ITPR1: variants seen among roughly 807,000 people sequenced by gnomAD.
ITPR1 encodes the protein inositol 1,4,5-trisphosphate-gated calcium channel ITPR1.
In ITPR1, 96 loss-of-function variants were observed where a neutral mutation model predicts 318.4. That is an observed-to-expected ratio of 0.30 (90% CI 0.26 to 0.36). The LOEUF (loss-of-function observed/expected upper bound fraction) is 0.36. ITPR1 is among the 10% of genes least tolerant of loss of function. The probability of loss-of-function intolerance (pLI) is 1.00; values close to 1 mark genes in which losing one functional copy is unlikely to be tolerated. For synonymous variants in ITPR1, 1,312 were observed against 1,289.9 expected (o/e 1.02, Z -0.37); for missense variants, 2,440 against 3,460.2 (o/e 0.71, Z 7.40).
chr3:4,651,784 T>G (rs2093604440), intron 10 of ITPR1, among the ~76,000 whole-genome samples: 1 of 152,212 alleles, frequency 6.6e-6, no homozygotes, highest in South Asian at 2.1e-4. Context: ...GCTTTGACAG[T>G]TCTCCACGAA....
rs968125904 is a variant in ITPR1, at chr3:4,826,955, G to T, written c.8028+8713G>T. ...GAGTCTAGTCTGTGAGACTGTGCAGGACATGAGGGTTATGCACAGACATTG... is the reference window on the plus strand; with the variant it reads ...GAGTCTAGTCTGTGAGACTGTGCAGTACATGAGGGTTATGCACAGACATTG... On this transcript the variant is annotated intron_variant, in intron 60 of 61. Transcript: ENST00000649015. The surrounding 1 kb of genome is among the most constrained non-coding windows in gnomAD (Gnocchi z 4.2). Among the ~76,000 whole-genome samples the T allele has an allele frequency of 6.6e-6, 1 of 152,156 alleles. No homozygotes were observed. Among genetic ancestry groups the T allele is most frequent in the Non-Finnish European group, 1.5e-5 (1 of 68,026 alleles).
chr3:4,603,628 C>T (rs981731966), intron 4 of ITPR1, among the ~76,000 whole-genome samples: 16 of 152,128 alleles, frequency 1.1e-4, no homozygotes, highest in African/African-American at 2.9e-4. Context: ...CAGGGTTTCA[C>T]CCTGTTGGAC....
chr3:4,540,291 A>T (rs1368127195), intron 4 of ITPR1, among the ~76,000 whole-genome samples: 1 of 152,116 alleles, frequency 6.6e-6, no homozygotes, highest in Non-Finnish European at 1.5e-5. Context: ...GTTTTGTCTG[A>T]TATTAATATA....
chr3:4,626,373 C>G (rs938976323), intron 4 of ITPR1, among the ~76,000 whole-genome samples: 2 of 152,054 alleles, frequency 1.3e-5, no homozygotes, highest in African/African-American at 4.8e-5. Flanking sequence ...CACATAGATG[C>G]TTTAGGGTAA....
At chr3:4,503,765 G>C (rs539630763) in intron 2 of ITPR1, among the ~76,000 whole-genome samples, 1 of 152,258 alleles carries the variant, frequency 6.6e-6, no homozygotes, top group East Asian at 1.9e-4. Flanking sequence ...CTGTCCTTGA[G>C]TGAATTTTTC....
At chr3:4,567,413 C>T (rs1306778182) in intron 4 of ITPR1, among the ~76,000 whole-genome samples, 1 of 152,064 alleles carries the variant, frequency 6.6e-6, no homozygotes, top group Non-Finnish European at 1.5e-5. Context: ...TTTTTTCTTG[C>T]AACTTTAAAT....
chr3:4,645,741 T>C lies in ITPR1; in HGVS notation c.855+13T>C. 1 of 1,610,428 alleles carries C rather than the reference T, an allele frequency of 6.2e-7. No individual in the cohort carries two copies. On this transcript the variant is annotated intron_variant, in intron 10 of 61. Transcript: ENST00000649015. ...GTGGGAGGTGGAGGTAAGGGTAGGG[T>C]GGAGAAAGGGCTCCTGGGTTTAGAG...
At chr3:4,630,488 A>G (rs1002201174) in intron 5 of ITPR1, among the ~76,000 whole-genome samples, 8 of 151,672 alleles carry the variant, frequency 5.3e-5, no homozygotes, top group Middle Eastern at 3.2e-3. Flanking sequence ...AAATGCCCAT[A>G]ATCTATTCCT....
intron 53 of ITPR1, among the ~76,000 whole-genome samples, chr3:4,799,222 A>G (rs2048071196): frequency 6.6e-6 from 1 of 152,226 alleles, no homozygotes; most frequent in African/African-American, 2.4e-5. Flanking sequence ...GGATGAATAA[A>G]TGATCATCAA....
chr3:4,747,530 G>A (rs141725708), intron 44 of ITPR1, among the ~76,000 whole-genome samples: 1 of 152,344 alleles, frequency 6.6e-6, no homozygotes, highest in African/African-American at 2.4e-5. Flanking sequence ...TTCTTTGGTA[G>A]TGGAGTCTTT....
chr3:4,504,306 G>C (rs767942021), intron 2 of ITPR1, among the ~76,000 whole-genome samples: 7 of 152,116 alleles, frequency 4.6e-5, no homozygotes, highest in Non-Finnish European at 1.0e-4. Flanking sequence ...GTGTTGCGGC[G>C]GGGGGAATGG....
intron 24 of ITPR1, 35 bp downstream of exon 24, chr3:4,676,836 T>C: frequency 6.5e-7 from 1 of 1,540,640 alleles, no homozygotes; most frequent in Non-Finnish European, 8.9e-7. Context: ...AGGGAGGGTA[T>C]GTCACAGAGG....
chr3:4,583,135 A>C (rs1194107619), intron 4 of ITPR1, among the ~76,000 whole-genome samples: 11 of 152,236 alleles, frequency 7.2e-5, no homozygotes, highest in Admixed American at 5.9e-4. Flanking sequence ...CTGCTACAAC[A>C]GGAAATTGGA....
At chr3:4,550,811 A>G (rs2085489459) in intron 4 of ITPR1, among the ~76,000 whole-genome samples, 1 of 152,090 alleles carries the variant, frequency 6.6e-6, no homozygotes, top group Non-Finnish European at 1.5e-5. Flanking sequence ...GCCCAAGCCC[A>G]GGAAGTAGAG....
At chr3:4,750,036 C>A (rs1223795856) in intron 44 of ITPR1, 1 of 152,676 alleles carries the variant, frequency 6.5e-6, no homozygotes, top group Non-Finnish European at 1.5e-5. Flanking sequence ...AAGACAACTG[C>A]TTAGGCCTGG....
chr3:4,598,528 A>G (rs989762399), intron 4 of ITPR1, among the ~76,000 whole-genome samples: 1 of 152,028 alleles, frequency 6.6e-6, no homozygotes, highest in African/African-American at 2.4e-5. Context: ...GGGCCGAGAC[A>G]GGAGGATTGC....
chr3:4,800,709 G>C (rs1268515800), intron 54 of ITPR1, 109 bp downstream of exon 54: 2 of 1,153,362 alleles, frequency 1.7e-6, no homozygotes, highest in Non-Finnish European at 2.5e-6. Flanking sequence ...GAAAATTATT[G>C]TTTGGGGCAA....
intron 46 of ITPR1, among the ~76,000 whole-genome samples, chr3:4,770,987 G>T (rs113600680): frequency 0.021 from 3,172 of 152,300 alleles, 52 homozygotes; most frequent in Middle Eastern, 0.044. Context: ...GTGGCTGGGA[G>T]TGGGGGAATC....
chr3:4,651,259 C>T (rs1430867901), intron 10 of ITPR1, among the ~76,000 whole-genome samples: 2 of 152,170 alleles, frequency 1.3e-5, no homozygotes, highest in South Asian at 2.1e-4. Context: ...CAGCCCAAAA[C>T]TCAAGGGAGC....
Sources: gnomAD v4.1 joint callset for allele counts (sites outside exome capture counted in the v4.1 genomes callset) on GRCh38, gnomAD v4.1.1 for gene constraint, Gnocchi (gnomAD v3.1) non-coding constraint, MANE v1.5 for transcripts, NCBI Gene and HGNC (gene_info 2026-07-23, HGNC 2026-07-21) for gene names.